Variants in CCDC146 observed in about 807,000 individuals in gnomAD.
CCDC146 encodes coiled-coil domain-containing protein 146.
In CCDC146, 92 loss-of-function variants were observed where a neutral mutation model predicts 119.3. That is an observed-to-expected ratio of 0.77 (90% CI 0.65 to 0.92). The LOEUF (loss-of-function observed/expected upper bound fraction) is 0.92, where lower values mean the gene tolerates loss of function less well. Among genes scored for constraint, CCDC146 ranks in the 40% least tolerant of loss-of-function variants. The pLI is 0.00. For missense variants in CCDC146, 1,000 were observed against 1,103.0 expected, an observed-to-expected ratio of 0.91 and a Z score of 1.32; for synonymous variants, 372 against 371.8, an observed-to-expected ratio of 1.00 and a Z score of -0.01.
In CCDC146 at chr7:77,262,115, G is replaced by C. The variant is rs1490740464; in HGVS notation, c.987-6G>C. 6.3e-7 allele frequency: 1 copy of C among 1,588,652 alleles called. No homozygotes were observed. Among genetic ancestry groups the C allele is most frequent in the African/African-American group, 1.4e-5 (1 of 73,888 alleles). ...CATTTTCTTCTTCTTCCTTTACCTGGAACAGAGGGATCTTGGATCTCAATT... is the reference window on the plus strand; with the variant it reads ...CATTTTCTTCTTCTTCCTTTACCTGCAACAGAGGGATCTTGGATCTCAATT... On this transcript the variant is annotated splice_region_variant and splice_polypyrimidine_tract_variant and intron_variant, in intron 8 of 18. Transcript: ENST00000285871.
rs371588411 is a variant in CCDC146, at chr7:77,130,755, T to C, written c.-12+8023T>C. The stretch of plus-strand genomic sequence containing the variant: ...CTGGGACTACAGGCGCGCGCCACCA[T>C]GCCCGGCTAATTTTTGTATTTTTAG... On this transcript the variant is annotated intron_variant, in intron 1 of 18. Transcript: ENST00000285871. Among the ~76,000 whole-genome samples the C allele has an allele frequency of 6.4e-5, 9 of 139,550 alleles. No homozygotes were observed. The South Asian group carries it at 7.0e-4, about 11-fold the overall frequency. 91.6% of individuals were successfully genotyped at this position (139,550 alleles called of 152,430 possible). A position where few individuals can be genotyped will look rare whatever the true frequency, so the allele number is the denominator to read the frequency against.
chr7:77,186,817 A>G (rs1239184010), intron 2 of CCDC146, among the ~76,000 whole-genome samples: 1 of 152,196 alleles, frequency 6.6e-6, no homozygotes, highest in East Asian at 1.9e-4. Context: ...TAGACAAAAA[A>G]GATAAAGTGA....
Position 77,286,798 on chromosome 7 carries a change from T to C in CCDC146, c.2149T>C (p.Phe717Leu). The C allele has an allele frequency of 6.2e-7, 1 of 1,613,098 alleles. No homozygotes were observed. Among genetic ancestry groups the C allele is most frequent in the South Asian group, 1.1e-5 (1 of 90,890 alleles). The change falls in exon 16 of 19, where the codon TTT becomes CTT. Residue 717 changes from phenylalanine (F) to leucine (L), a missense_variant and splice_region_variant. This residue lies in a region of CCDC146 where 985 missense variants were observed against 1,045.3 expected (regional missense o/e 0.94). Coordinates refer to ENST00000285871, the MANE Select transcript of CCDC146 (RefSeq NM_020879.3). ...DADLAVLQIQ[F>L]SQCTDRIKDL... ...AAAGTTAATGTTTTTTTCTTAATAG[T>C]TTTCACAGTGTACAGACAGAATTAA...
At chr7:77,238,482 T>G (rs1437415022) in intron 3 of CCDC146, among the ~76,000 whole-genome samples, 3 of 152,138 alleles carry the variant, frequency 2.0e-5, no homozygotes, top group Middle Eastern at 3.4e-3. Flanking sequence ...AGTGGCCTGG[T>G]CTTGGCTCAC....
intron 1 of CCDC146, among the ~76,000 whole-genome samples, chr7:77,134,541 CTGTGTGTGTGTGTGTGTGTGTCTG>C (rs1174984023): frequency 2.1e-5 from 3 of 144,148 alleles, no homozygotes; most frequent in Non-Finnish European, 4.5e-5. Flanking sequence ...TAAGGCCACT[CTGTGTGTGTGTGTGTGTGTGTCTG>C]TGTGTGTGTG....
At chr7:77,188,365 A>T (rs545489791) in intron 2 of CCDC146, among the ~76,000 whole-genome samples, 2 of 152,310 alleles carry the variant, frequency 1.3e-5, no homozygotes, top group South Asian at 4.1e-4. Context: ...CTCTAAGGAA[A>T]AGGGGAGTAA....
At chr7:77,195,350 G>A (rs943090936) in intron 2 of CCDC146, 1 of 152,102 alleles carries the variant, frequency 6.6e-6, no homozygotes, top group Non-Finnish European at 1.5e-5. Flanking sequence ...CAGTTACATT[G>A]CTTTCTGAAT....
rs566647860 is a variant in CCDC146, at chr7:77,174,396, C to T, written c.156+6572C>T. Among the ~76,000 whole-genome samples, 16 of 152,276 alleles carry T rather than the reference C, an allele frequency of 1.1e-4. No individual in the cohort carries two copies. The South Asian group carries it at 3.3e-3, about 32-fold the overall frequency. On this transcript the variant is annotated intron_variant, in intron 2 of 18. Transcript: ENST00000285871. ...GAACTGCAGCAGCAGAGGTTCTGATCCTTGTGGAGCAGGGCTACCCCATAG... is the reference window on the plus strand; with the variant it reads ...GAACTGCAGCAGCAGAGGTTCTGATTCTTGTGGAGCAGGGCTACCCCATAG...
At chr7:77,145,441 A>C (rs1791001554) in intron 1 of CCDC146, among the ~76,000 whole-genome samples, 1 of 151,234 alleles carries the variant, frequency 6.6e-6, no homozygotes, top group African/African-American at 2.4e-5. Context: ...GATCTTAGTT[A>C]TTTCTTGCCT....
chr7:77,144,500 T>C (rs1436152573), intron 1 of CCDC146, among the ~76,000 whole-genome samples: 1 of 151,818 alleles, frequency 6.6e-6, no homozygotes, highest in East Asian at 1.9e-4. Context: ...GTACCTGTTT[T>C]CAAAGGAAAT....
At chr7:77,266,349 C>CA in intron 9 of CCDC146, among the ~76,000 whole-genome samples, 1 of 152,242 alleles carries the variant, frequency 6.6e-6, no homozygotes, top group African/African-American at 2.4e-5. Flanking sequence ...GTGTTGAAGG[C>CA]AATGATAACA....
intron 3 of CCDC146, among the ~76,000 whole-genome samples, chr7:77,241,050 G>A (rs1272891220): frequency 1.6e-5 from 1 of 62,526 alleles, no homozygotes; most frequent in African/African-American, 5.4e-5. Flanking sequence ...TCGCCCAGGC[G>A]GGAGTGCAGT....
At chr7:77,243,712 G>C (rs543078171) in intron 4 of CCDC146, among the ~76,000 whole-genome samples, 1 of 152,194 alleles carries the variant, frequency 6.6e-6, no homozygotes, top group South Asian at 2.1e-4. Flanking sequence ...ACAGCCTCAG[G>C]CAGGTCCTTC....
intron 17 of CCDC146, 86 bp from the exon 18 acceptor site, chr7:77,292,866 C>A: frequency 7.0e-7 from 1 of 1,422,630 alleles, no homozygotes. Context: ...AAAATGCACC[C>A]CGCCATTATA....
intron 2 of CCDC146, chr7:77,194,565 G>A (rs899064033): frequency 1.3e-5 from 2 of 152,014 alleles, no homozygotes; most frequent in African/African-American, 4.8e-5. Context: ...TGACTAAATA[G>A]TTCTGTAAGG....
chr7:77,192,904 C>T (rs1194558699), intron 2 of CCDC146, among the ~76,000 whole-genome samples: 6 of 151,764 alleles, frequency 4.0e-5, no homozygotes, highest in Non-Finnish European at 1.5e-5. Context: ...GCCTGGGCGA[C>T]AGAGTGAGAC....
chr7:77,260,920 G>A (rs919590375), intron 8 of CCDC146, among the ~76,000 whole-genome samples: 2 of 152,072 alleles, frequency 1.3e-5, no homozygotes, highest in African/African-American at 2.4e-5. Flanking sequence ...GAGCCACCGC[G>A]CCCAGCCTAT....
intron 4 of CCDC146, among the ~76,000 whole-genome samples, chr7:77,247,583 A>G (rs1160081645): frequency 6.6e-6 from 1 of 152,252 alleles, no homozygotes; most frequent in Non-Finnish European, 1.5e-5. Context: ...AAATTCATCT[A>G]CATTATTGCA....
intron 16 of CCDC146, chr7:77,287,144 C>A (rs1018497121): frequency 3.1e-6 from 2 of 635,694 alleles, no homozygotes; most frequent in Non-Finnish European, 5.4e-6. Flanking sequence ...TCCAAAGGCA[C>A]ATTTCTCTCA....
Sources: allele counts gnomAD v4.1 joint callset (sites outside exome capture counted in the v4.1 genomes callset), GRCh38; gene constraint gnomAD v4.1.1; regional missense constraint gnomAD v4.1.1; transcripts MANE v1.5; gene names NCBI Gene and HGNC (gene_info 2026-07-23, HGNC 2026-07-21).